The following CEP20 variants were observed in gnomAD, a reference collection of about 807,000 sequenced individuals.
CEP20 encodes centrosomal protein 20.
CEP20 carries 18 observed loss-of-function variants against 20.0 expected under a neutral mutation model. The ratio of observed to expected loss-of-function variants is 0.90; its 90% CI spans 0.62 to 1.34. CEP20 has a LOEUF of 1.34. Ranked by LOEUF, CEP20 falls within the 40% of genes most tolerant of loss-of-function variation. CEP20 has a pLI of 0.00. For synonymous variants in CEP20, 77 were observed against 73.7 expected (o/e 1.04, Z -0.23); for missense variants, 215 against 201.6 (o/e 1.07, Z -0.40).
intron 4 of CEP20, among the ~76,000 whole-genome samples, chr16:15,867,738 C>T (rs984517654): frequency 5.3e-5 from 8 of 151,894 alleles, no homozygotes; most frequent in African/African-American, 1.5e-4. Flanking sequence ...TTTGGGAGGC[C>T]GAGGTGGGTG....
intron 2 of CEP20, 148 bp downstream of exon 2, chr16:15,883,860 A>C: frequency 1.7e-6 from 1 of 598,658 alleles, no homozygotes; most frequent in South Asian, 2.3e-5. Flanking sequence ...AATCTGTTTA[A>C]GCTACAGAAA....
intron 3 of CEP20, among the ~76,000 whole-genome samples, chr16:15,878,486 C>A (rs2045010372): frequency 7.5e-6 from 1 of 134,026 alleles, no homozygotes; most frequent in Non-Finnish European, 1.6e-5. Flanking sequence ...GTAAAGCAAA[C>A]AACTTTCAGA....
At chr16:15,886,584 AG>A (rs1323296237) in intron 1 of CEP20, among the ~76,000 whole-genome samples, 2 of 152,230 alleles carry the variant, frequency 1.3e-5, no homozygotes, top group African/African-American at 4.8e-5. Flanking sequence ...GAATGAGGAA[AG>A]CTAGCATGTC....
Position 15,866,399 on chromosome 16 carries a change from T to C in CEP20, c.*1041A>G, listed in dbSNP as rs1407136069. ...GCAAAATTTAATTCTGAATATACCA[T>C]CGAACTTTTGCCAATCAGGAGCTGT... On this transcript the variant is annotated 3_prime_UTR_variant, in exon 5 of 5. Transcript: ENST00000255759. 6.6e-6 allele frequency: 1 copy of C among 152,224 alleles called. No homozygotes were observed. The highest frequency in any genetic ancestry group is 1.5e-5 in the Non-Finnish European group (1 of 68,046). The allele number at this position is 152,224 out of a possible 1,614,324, so 9.4% of individuals were successfully genotyped here.
intron 4 of CEP20, among the ~76,000 whole-genome samples, chr16:15,870,443 G>A (rs771114288): frequency 2.6e-5 from 4 of 152,112 alleles, no homozygotes; most frequent in Non-Finnish European, 5.9e-5. Context: ...TTTTAAATAT[G>A]CATATCCTTT....
intron 4 of CEP20, among the ~76,000 whole-genome samples, chr16:15,870,032 T>A (rs970891555): frequency 6.6e-6 from 1 of 152,170 alleles, no homozygotes. Flanking sequence ...CCTGGCACTT[T>A]AGTGGTGTAC....
At chr16:15,874,826 C>A (rs752873555) in intron 3 of CEP20, among the ~76,000 whole-genome samples, 27 of 152,130 alleles carry the variant, frequency 1.8e-4, no homozygotes, top group Admixed American at 4.6e-4. Context: ...TCAGAGGCCA[C>A]GTGGTAATGG....
chr16:15,887,278 C>T (rs1189091169), intron 1 of CEP20, among the ~76,000 whole-genome samples: 1 of 151,930 alleles, frequency 6.6e-6, no homozygotes, highest in Non-Finnish European at 1.5e-5. Flanking sequence ...TCTGTAGACT[C>T]GTGAAGTCTG....
chr16:15,881,249 T>A (rs1019445900), intron 2 of CEP20, among the ~76,000 whole-genome samples: 9 of 152,100 alleles, frequency 5.9e-5, no homozygotes, highest in East Asian at 1.9e-4. Context: ...CCCAGTTTTT[T>A]AAAAAAAGCC....
At chr16:15,878,965 A>G (rs1173694640) in intron 3 of CEP20, among the ~76,000 whole-genome samples, 3 of 151,952 alleles carry the variant, frequency 2.0e-5, no homozygotes, top group Admixed American at 6.6e-5. Flanking sequence ...AAAGTTCTAG[A>G]TTTAAAAAAA....
intron 3 of CEP20, among the ~76,000 whole-genome samples, chr16:15,875,829 T>C (rs967029138): frequency 6.6e-6 from 1 of 151,898 alleles, no homozygotes; most frequent in African/African-American, 2.4e-5. Context: ...CTGGGTGTGG[T>C]GGCTCAAGCC....
At chr16:15,883,807 C>T (rs2045170705) in intron 2 of CEP20, among the ~76,000 whole-genome samples, 1 of 152,072 alleles carries the variant, frequency 6.6e-6, no homozygotes, top group South Asian at 2.1e-4. Flanking sequence ...CAAGTATATG[C>T]CTAGTTTAAG....
chr16:15,879,703 C>G, intron 3 of CEP20, 101 bp downstream of exon 3: 1 of 699,212 alleles, frequency 1.4e-6, no homozygotes, highest in Non-Finnish European at 2.4e-6. Flanking sequence ...TTGACACACA[C>G]TAGATCTGAA....
chr16:15,882,410 G>A (rs1308493427), intron 2 of CEP20, among the ~76,000 whole-genome samples: 13 of 152,028 alleles, frequency 8.6e-5, no homozygotes, highest in African/African-American at 1.4e-4. Flanking sequence ...ATGGCCTGTA[G>A]TCCCAGCTAC....
chr16:15,869,389 C>A (rs2044759661), intron 4 of CEP20, among the ~76,000 whole-genome samples: 1 of 150,538 alleles, frequency 6.6e-6, no homozygotes, highest in Admixed American at 6.6e-5. Context: ...CGGCTCACTG[C>A]AACCTCCACC....
intron 2 of CEP20, among the ~76,000 whole-genome samples, chr16:15,880,819 G>T (rs1567240113): frequency 6.6e-6 from 1 of 152,018 alleles, no homozygotes; most frequent in Admixed American, 6.6e-5. Context: ...TCTCATAGAA[G>T]CGTGAACCCT....
At chr16:15,876,353 T>C (rs1302225478) in intron 3 of CEP20, among the ~76,000 whole-genome samples, 2 of 151,962 alleles carry the variant, frequency 1.3e-5, no homozygotes, top group Non-Finnish European at 2.9e-5. Context: ...CATGCGTCTA[T>C]AGTCCCAGCT....
At chr16:15,869,310 C>CTTTTTTTTTT (rs11351295) in intron 4 of CEP20, among the ~76,000 whole-genome samples, 1 of 118,186 alleles carries the variant, frequency 8.5e-6, no homozygotes. Flanking sequence ...TCTTTCTTTC[C>CTTTTTTTTTT]TTTTTTTTTT....
chr16:15,879,127 T>C (rs567188571), intron 3 of CEP20, among the ~76,000 whole-genome samples: 1 of 152,036 alleles, frequency 6.6e-6, no homozygotes, highest in African/African-American at 2.4e-5. Flanking sequence ...AAGAGCATAG[T>C]TGGTGAGAGG....
Sources: allele counts gnomAD v4.1 joint callset (sites outside exome capture counted in the v4.1 genomes callset), GRCh38; gene constraint gnomAD v4.1.1; transcripts MANE v1.5; gene names NCBI Gene and HGNC (gene_info 2026-07-23, HGNC 2026-07-21).